The following CDH13 variants were observed in gnomAD, a reference collection of about 807,000 sequenced individuals.
CDH13 encodes the protein cadherin-13.
In CDH13, 24 loss-of-function variants were observed where a neutral mutation model predicts 63.8. That is an observed-to-expected ratio of 0.38 (90% confidence interval 0.27 to 0.53). The LOEUF (loss-of-function observed/expected upper bound fraction) is 0.53, where lower values mean the gene tolerates loss of function less well. Among genes scored for constraint, CDH13 ranks in the 20% least tolerant of loss-of-function variants. The pLI is 0.85. For missense variants in CDH13, 1,049 were observed against 903.1 expected (o/e 1.16, Z -2.07); for synonymous variants, 503 against 355.3 (o/e 1.42, Z -4.67).
intron 1 of CDH13, among the ~76,000 whole-genome samples, chr16:82,718,047 G>A (rs2032508330): frequency 6.6e-6 from 1 of 152,234 alleles, no homozygotes; most frequent in Non-Finnish European, 1.5e-5. Context: ...ACGATGATTT[G>A]TGTGCAAGGT....
At chr16:83,628,325 C>G (rs992835390) in intron 8 of CDH13, among the ~76,000 whole-genome samples, 17 of 152,140 alleles carry the variant, frequency 1.1e-4, no homozygotes, top group African/African-American at 3.6e-4. Flanking sequence ...CCAGGCTGGT[C>G]TCAAACTCCT....
At chr16:83,468,198 G>A (rs148862689) in intron 6 of CDH13, among the ~76,000 whole-genome samples, 3 of 152,332 alleles carry the variant, frequency 2.0e-5, no homozygotes, top group African/African-American at 4.8e-5. Flanking sequence ...AGGGTCTGGG[G>A]ATGAGAGTAC....
At chr16:83,751,020 T>C (rs1029882389) in intron 11 of CDH13, among the ~76,000 whole-genome samples, 15 of 149,844 alleles carry the variant, frequency 1.0e-4, no homozygotes, top group African/African-American at 3.4e-4. Flanking sequence ...AGAATAAAGA[T>C]GTGAGAAGTT....
chr16:83,794,027 G>A (rs2151023212), intron 13 of CDH13, among the ~76,000 whole-genome samples: 1 of 152,262 alleles, frequency 6.6e-6, no homozygotes, highest in Non-Finnish European at 1.5e-5. Flanking sequence ...CTCTGAAGAT[G>A]AAGGAAGGGG....
At chr16:83,095,022 TTTC>T (rs1336629533) in intron 3 of CDH13, among the ~76,000 whole-genome samples, 8 of 152,330 alleles carry the variant, frequency 5.3e-5, no homozygotes, top group Middle Eastern at 3.4e-3. Flanking sequence ...CTGCAGTGCA[TTTC>T]TTCTTCTTTA....
rs533793379 is a variant in CDH13, at chr16:83,271,751, T to G, written c.636+54254T>G. Among the ~76,000 whole-genome samples the G allele has an allele frequency of 1.8e-4, 28 of 152,302 alleles. No individual in the cohort carries two copies. In the South Asian group the frequency reaches 5.4e-3, roughly 29 times the overall value. On this transcript the variant is annotated intron_variant, in intron 5 of 13. Transcript: ENST00000567109. ...AAGTCTTTTACTAGAATTATTTATT[T>G]AGGATAATTAGAGAAAAATTCTGTA...
intron 7 of CDH13, among the ~76,000 whole-genome samples, chr16:83,510,218 T>A (rs1261565013): frequency 6.6e-6 from 1 of 152,214 alleles, no homozygotes; most frequent in East Asian, 1.9e-4. Flanking sequence ...GAAGAACATT[T>A]TTTATTCATA....
intron 4 of CDH13, among the ~76,000 whole-genome samples, chr16:83,166,501 C>G (rs1010174324): frequency 6.6e-6 from 1 of 152,082 alleles, no homozygotes; most frequent in Non-Finnish European, 1.5e-5. Flanking sequence ...TTTTTATCGT[C>G]TCAGAAACAT....
At chr16:83,370,127 C>T (rs924779820) in intron 6 of CDH13, among the ~76,000 whole-genome samples, 4 of 152,192 alleles carry the variant, frequency 2.6e-5, no homozygotes, top group African/African-American at 7.2e-5. Flanking sequence ...GTGGCTCACG[C>T]CTGTAATCCC....
At chr16:82,713,073 G>A (rs1451351150) in intron 1 of CDH13, among the ~76,000 whole-genome samples, 2 of 151,898 alleles carry the variant, frequency 1.3e-5, no homozygotes, top group Non-Finnish European at 2.9e-5. Context: ...GTGTGTGTGT[G>A]TGTTTAGGGA....
intron 6 of CDH13, among the ~76,000 whole-genome samples, chr16:83,412,335 G>A (rs575700144): frequency 1.1e-4 from 17 of 152,144 alleles, no homozygotes; most frequent in African/African-American, 1.9e-4. Context: ...GGTGGCAGAC[G>A]TCTGCAGGCT....
chr16:83,067,834 T>C (rs777068157), intron 3 of CDH13, among the ~76,000 whole-genome samples: 1 of 152,200 alleles, frequency 6.6e-6, no homozygotes, highest in Non-Finnish European at 1.5e-5. Context: ...TTCTTCTCTC[T>C]GGCCTCTAGA....
At chr16:83,586,220 G>C (rs1218057813) in intron 7 of CDH13, among the ~76,000 whole-genome samples, 1 of 152,200 alleles carries the variant, frequency 6.6e-6, no homozygotes, top group Non-Finnish European at 1.5e-5. Context: ...AACCACAAGG[G>C]AGCGTGATGC....
chr16:83,485,184 T>C (rs976358951), intron 6 of CDH13, among the ~76,000 whole-genome samples: 1 of 152,216 alleles, frequency 6.6e-6, no homozygotes, highest in Non-Finnish European at 1.5e-5. Flanking sequence ...GTTTCCAAAT[T>C]TTTCACCTTG....
chr16:83,306,473 G>A (rs959814673), intron 5 of CDH13, among the ~76,000 whole-genome samples: 1 of 152,176 alleles, frequency 6.6e-6, no homozygotes, highest in Non-Finnish European at 1.5e-5. Flanking sequence ...AAAGCAGGAT[G>A]CCCCTTGGGT....
intron 8 of CDH13, among the ~76,000 whole-genome samples, chr16:83,626,994 C>G (rs893377560): frequency 4.6e-5 from 7 of 152,114 alleles, no homozygotes; most frequent in Non-Finnish European, 1.0e-4. Context: ...TAAAAAGATT[C>G]CTATTCAGCC....
chr16:83,263,905 A>G (rs1907283219), intron 5 of CDH13, among the ~76,000 whole-genome samples: 1 of 152,238 alleles, frequency 6.6e-6, no homozygotes, highest in African/African-American at 2.4e-5. Flanking sequence ...TAATGATAGC[A>G]GAAACACCTC....
intron 7 of CDH13, among the ~76,000 whole-genome samples, chr16:83,531,563 G>T (rs1468474137): frequency 6.6e-6 from 1 of 152,164 alleles, no homozygotes; most frequent in African/African-American, 2.4e-5. Context: ...CACCATGATT[G>T]TGAGGCCTCT....
At chr16:83,423,924 C>T (rs1340341922) in intron 6 of CDH13, among the ~76,000 whole-genome samples, 4 of 152,194 alleles carry the variant, frequency 2.6e-5, no homozygotes, top group Non-Finnish European at 4.4e-5. Flanking sequence ...TGGCTGTACA[C>T]TATAACTAAA....
Sources: gnomAD v4.1 joint callset for allele counts (sites outside exome capture counted in the v4.1 genomes callset) on GRCh38, gnomAD v4.1.1 for gene constraint, MANE v1.5 for transcripts, NCBI Gene and HGNC (gene_info 2026-07-23, HGNC 2026-07-21) for gene names.